The following STRA6 variants were observed in gnomAD, a reference collection of about 807,000 sequenced individuals.
The protein encoded by STRA6 is signaling receptor and transporter of retinol STRA6.
A neutral mutation model predicts 83.6 loss-of-function variants in STRA6; 48 were observed. That is an observed-to-expected ratio of 0.57 (90% confidence interval 0.46 to 0.73). The LOEUF is 0.73. STRA6 is among the 30% of genes least tolerant of loss of function. The probability of loss-of-function intolerance (pLI) is 0.00; values close to 1 mark genes in which losing one functional copy is unlikely to be tolerated. For synonymous variants in STRA6, 353 were observed against 362.3 expected (o/e 0.97, Z 0.29); for missense variants, 760 against 838.8 (o/e 0.91, Z 1.16).
chr15:74,207,608 A>G (rs1240121812), upstream of STRA6: 1 of 1,264,428 alleles, frequency 7.9e-7, no homozygotes, highest in Non-Finnish European at 1.1e-6. Context: ...ACAATACTCA[A>G]ACCTCAGGTA....
intron 1 of STRA6, 139 bp from the exon 2 acceptor site, chr15:74,202,421 TA>T (rs746628069): frequency 1.8e-5 from 27 of 1,537,590 alleles, no homozygotes; most frequent in African/African-American, 4.1e-5. Context: ...TTCTTACTTT[TA>T]GCTCTCTGGG....
At chr15:74,193,736 G>C (rs2073665502) in intron 8 of STRA6, 64 bp downstream of exon 8, 1 of 1,605,710 alleles carries the variant, frequency 6.2e-7, no homozygotes, top group Admixed American at 1.7e-5. Flanking sequence ...TGGGACCACA[G>C]ATACGGGGGA....
At chr15:74,194,361 G>A (rs1429938011) in intron 7 of STRA6, 8 of 1,067,128 alleles carry the variant, frequency 7.5e-6, no homozygotes, top group Non-Finnish European at 9.1e-6. Flanking sequence ...TCCTGGGGGT[G>A]GGCTTTTTGT....
chr15:74,194,355 G>A (rs2073707859), intron 7 of STRA6: 1 of 1,069,736 alleles, frequency 9.3e-7, no homozygotes, highest in East Asian at 7.2e-5. Flanking sequence ...AGGCCTTCCT[G>A]GGGGTGGGCT....
chr15:74,202,181 C>T lies in STRA6; in HGVS notation c.87G>A (p.Gln29=). 6.6e-7 allele frequency: 1 copy of T among 1,516,354 alleles called. No individual in the cohort carries two copies. Among genetic ancestry groups the T allele is most frequent in the Non-Finnish European group, 8.8e-7 (1 of 1,135,460 alleles). The allele number at this position is 1,516,354 out of a possible 1,614,324, so 93.9% of individuals were successfully genotyped here. ...CCTCTGGCTGGAGCTCCTCGCCCCCCTGGGGCTCATCGATGTACCAGCTGC... is the reference window on the plus strand; with the variant it reads ...CCTCTGGCTGGAGCTCCTCGCCCCCTTGGGGCTCATCGATGTACCAGCTGC... ...SYGSWYIDEP[Q]GGEELQPEGE... Residue 29 remains glutamine, a synonymous_variant, in exon 2 of 19, where the codon CAG becomes CAA. Coordinates refer to ENST00000395105, the MANE Select transcript of STRA6 (RefSeq NM_022369.4).
rs1458998526 is a variant in STRA6 at position 74,188,879 on chromosome 15, T to A, written c.1090+236A>T. 6.6e-6 allele frequency among the ~76,000 whole-genome samples: 1 copy of A among 152,058 alleles called. No homozygotes were observed. The highest frequency in any genetic ancestry group is 1.5e-5 in the Non-Finnish European group (1 of 67,992). On this transcript the variant is annotated intron_variant, in intron 12 of 18. Transcript: ENST00000395105. The surrounding 1 kb of genome is among the most constrained non-coding windows in gnomAD (Gnocchi z 4.5). Reference sequence around the variant, plus strand: ...AGACACTGGGGGTGGTGGGGGAAGATGCCACAGAAGCAGGCAAGGGACAGG... The same window carrying A: ...AGACACTGGGGGTGGTGGGGGAAGAAGCCACAGAAGCAGGCAAGGGACAGG...
exon 1 of STRA6, chr15:74,209,029 C>A (rs1595871155): frequency 1.3e-5 from 15 of 1,127,882 alleles, no homozygotes; most frequent in Non-Finnish European, 1.6e-5. Flanking sequence ...GGTGTTTGAT[C>A]TGCTCCTCCC....
intron 13 of STRA6, among the ~76,000 whole-genome samples, chr15:74,184,387 A>G (rs409856): frequency 0.18 from 27,574 of 152,162 alleles, 2,834 homozygotes; most frequent in Non-Finnish European, 0.22. Context: ...GAGCTCTGAG[A>G]CCTGGCAAGT....
chr15:74,206,349 C>A (rs2074261825), upstream of STRA6, among the ~76,000 whole-genome samples: 1 of 152,192 alleles, frequency 6.6e-6, no homozygotes, highest in African/African-American at 2.4e-5. Flanking sequence ...AAGGTACCTC[C>A]TCAGCTTGGG....
In STRA6 at chr15:74,197,378, G is replaced by A; in HGVS notation, c.226C>T (p.Leu76Phe). Residue 76 changes from leucine to phenylalanine, a missense_variant, in exon 4 of 19, where the codon CTC becomes TTC. Leu to Phe is a conservative substitution (Grantham distance 22). Coordinates refer to ENST00000395105, the MANE Select transcript of STRA6 (RefSeq NM_022369.4). ...LLAMLVRRRQ[L>F]WPDCVRGRPG... ...CTGCCACGCACACAGTCAGGCCAGA[G>A]CTGGCGGCGCCTCACCAGCATGGCC... 6.4e-7 allele frequency: 1 copy of A among 1,550,492 alleles called. No individual in the cohort carries two copies. The highest frequency in any genetic ancestry group is 8.7e-7 in the Non-Finnish European group (1 of 1,146,926).
intron 4 of STRA6, among the ~76,000 whole-genome samples, chr15:74,196,798 C>T (rs912121489): frequency 1.3e-5 from 2 of 152,222 alleles, no homozygotes; most frequent in Non-Finnish European, 2.9e-5. Context: ...CAAGGAGCCA[C>T]CCATCACCTG....
rs554703231 is a variant in STRA6 at position 74,189,276 on chromosome 15, A to T, written c.929T>A (p.Val310Glu). ...ATLTGTAIYQ[V>E]ALLLLVGVVP... is the part of the protein sequence containing the mutation. The stretch of plus-strand genomic sequence containing the variant: ...CACGCCCACCAGCAGCAGCAGGGCC[A>T]CCTGGAAGAGCCCCACAGTGAGGGC... The change falls in exon 12 of 19, where the codon GTG becomes GAG. Residue 310 changes from valine to glutamate, a missense_variant and splice_region_variant. Transcript: ENST00000395105. The T allele has an allele frequency of 1.3e-6, 2 of 1,592,336 alleles. No individual in the cohort carries two copies. Among genetic ancestry groups the T allele is most frequent in the Admixed American group, 3.6e-5 (2 of 56,116 alleles).
intron 7 of STRA6, chr15:74,194,980 G>A (rs1272820480): frequency 7.7e-6 from 11 of 1,431,440 alleles, no homozygotes; most frequent in South Asian, 3.0e-5. Context: ...CTGACCAAAG[G>A]GAAGCTGGGG....
chr15:74,198,574 C>T (rs2073926311), intron 2 of STRA6, among the ~76,000 whole-genome samples: 1 of 152,230 alleles, frequency 6.6e-6, no homozygotes, highest in Non-Finnish European at 1.5e-5. Flanking sequence ...GATTCGCCCT[C>T]TACTCACTGC....
chr15:74,182,477 T>C lies in STRA6; in HGVS notation c.1301-17A>G. On this transcript the variant is annotated splice_polypyrimidine_tract_variant and intron_variant, in intron 14 of 18. Transcript: ENST00000395105. ...CCAGGAGCCCTGCCAGGGGCGGGAGTGGCAGGGGGACAGAAAACAGGTTCC... is the reference window on the plus strand; with the variant it reads ...CCAGGAGCCCTGCCAGGGGCGGGAGCGGCAGGGGGACAGAAAACAGGTTCC... 6.3e-7 allele frequency: 1 copy of C among 1,590,906 alleles called. No individual in the cohort carries two copies. Among genetic ancestry groups the C allele is most frequent in the Non-Finnish European group, 8.6e-7 (1 of 1,168,080 alleles).
intron 11 of STRA6, among the ~76,000 whole-genome samples, chr15:74,189,923 A>G (rs2073450638): frequency 6.6e-6 from 1 of 152,158 alleles, no homozygotes; most frequent in Non-Finnish European, 1.5e-5. Context: ...CAGCCTCCCA[A>G]AGTGCTGGGA....
At chr15:74,197,627 C>T in intron 3 of STRA6, 125 bp downstream of exon 3, 1 of 1,355,662 alleles carries the variant, frequency 7.4e-7, no homozygotes, top group Non-Finnish European at 1.0e-6. Context: ...GGGAGAACTC[C>T]CAGATAGCTC....
upstream of STRA6, among the ~76,000 whole-genome samples, chr15:74,211,743 T>G (rs192080274): frequency 1.4e-4 from 21 of 152,002 alleles, no homozygotes; most frequent in African/African-American, 4.8e-4. Flanking sequence ...CTGTCTGCCT[T>G]TCTGCCCCTG....
intron 1 of STRA6, 118 bp downstream of exon 1, chr15:74,202,595 C>T (rs2074130495): frequency 1.3e-5 from 19 of 1,459,062 alleles, no homozygotes; most frequent in Non-Finnish European, 1.7e-5. Context: ...GACCAACCAC[C>T]AGCAGGCGTG....
Sources: allele counts gnomAD v4.1 joint callset (sites outside exome capture counted in the v4.1 genomes callset), GRCh38; gene constraint gnomAD v4.1.1; non-coding constraint Gnocchi (gnomAD v3.1); transcripts MANE v1.5; gene names NCBI Gene and HGNC (gene_info 2026-07-23, HGNC 2026-07-21).